Variants in NIPA1 observed in about 807,000 individuals in gnomAD.
NIPA1 encodes the protein magnesium transporter NIPA1.
NIPA1 carries 13 observed loss-of-function variants against 23.9 expected under a neutral mutation model. The ratio of observed to expected loss-of-function variants is 0.54; its 90% CI spans 0.35 to 0.87. The LOEUF (loss-of-function observed/expected upper bound fraction) is 0.87. Among genes scored for constraint, NIPA1 ranks in the 40% least tolerant of loss-of-function variants. NIPA1 has a pLI of 0.01. For missense variants in NIPA1, 362 were observed against 429.7 expected (o/e 0.84, Z 1.39); for synonymous variants, 234 against 202.9 (o/e 1.15, Z -1.30).
intron 1 of NIPA1, among the ~76,000 whole-genome samples, chr15:22,793,357 C>CA (rs1163603849): frequency 0.04 from 2,936 of 72,948 alleles, 298 homozygotes; most frequent in African/African-American, 0.13. Context: ...GACTGTGTCT[C>CA]AAAAAAAAAA....
chr15:22,791,035 A>G (rs1247021427), intron 1 of NIPA1, among the ~76,000 whole-genome samples: 2 of 152,142 alleles, frequency 1.3e-5, no homozygotes, highest in Non-Finnish European at 2.9e-5. Context: ...ATATGGTTAT[A>G]TTGCACAGTG....
intron 1 of NIPA1, among the ~76,000 whole-genome samples, chr15:22,788,616 C>T (rs955043890): frequency 1.3e-5 from 2 of 151,760 alleles, no homozygotes; most frequent in African/African-American, 4.8e-5. Context: ...AGATGTAAGA[C>T]ATTAGGGAAA....
chr15:22,811,530 G>A (rs1031430054), intron 2 of NIPA1, among the ~76,000 whole-genome samples: 2 of 152,134 alleles, frequency 1.3e-5, no homozygotes, highest in African/African-American at 4.8e-5. Context: ...CTTGAGCCTG[G>A]GAGGTGGAGG....
In NIPA1 at chr15:22,820,473, G is replaced by A; in HGVS notation, c.478G>A (p.Val160Met). ...AELEEKLTNP[V>M]FVGYLCIVLL... ...GCTGGAGGAAAAGCTGACCAATCCA[G>A]GTAATTCCTTTCTAGCAGCACTGCC... The change falls in exon 4 of 5, where the codon GTG (valine) becomes ATG (methionine). Residue 160 changes from valine (V) to methionine (M), a missense_variant and splice_region_variant. Val to Met is a conservative substitution (Grantham distance 21, BLOSUM62 1). This residue lies in a region of NIPA1 where 277 missense variants were observed against 372.0 expected (regional missense o/e 0.74). Coordinates refer to ENST00000337435, the MANE Select transcript of NIPA1 (RefSeq NM_144599.5). 6.2e-7 allele frequency: 1 copy of A among 1,612,926 alleles called. No individual in the cohort carries two copies. Among genetic ancestry groups the A allele is most frequent in the South Asian group, 1.1e-5 (1 of 91,056 alleles).
In NIPA1 at chr15:22,824,277, T is replaced by C; in HGVS notation, c.*38T>C. On this transcript the variant is annotated 3_prime_UTR_variant, in exon 5 of 5. Transcript: ENST00000337435. The surrounding 1 kb of genome is among the most constrained non-coding windows in gnomAD (Gnocchi z 4.1). The stretch of plus-strand genomic sequence containing the variant: ...GCTTGGATGGTTCGAGGAATAGGCA[T>C]TGGAGGTGGTTTCTGGCCGTGATTG... 1 of 1,567,448 alleles carries C rather than the reference T, an allele frequency of 6.4e-7. No homozygotes were observed.
At chr15:22,807,962 ATTTTT>A (rs955416345) in intron 1 of NIPA1, among the ~76,000 whole-genome samples, 2 of 150,798 alleles carry the variant, frequency 1.3e-5, no homozygotes, top group African/African-American at 2.4e-5. Context: ...TTTTTTTTGT[ATTTTT>A]TTTAGTAGAG....
intron 2 of NIPA1, among the ~76,000 whole-genome samples, chr15:22,811,510 G>A (rs1218024946): frequency 2.0e-5 from 3 of 152,118 alleles, no homozygotes; most frequent in African/African-American, 7.2e-5. Flanking sequence ...AGGCTGAGGT[G>A]GGAGGATTGC....
intron 3 of NIPA1, among the ~76,000 whole-genome samples, chr15:22,812,924 T>C (rs1042648930): frequency 3.3e-5 from 5 of 152,164 alleles, no homozygotes; most frequent in African/African-American, 1.2e-4. Context: ...GGTGTTTTAT[T>C]GGGGTGCTTA....
chr15:22,816,344 A>G lies in NIPA1; in HGVS notation c.318-3969A>G, dbSNP rs147145829. Among the ~76,000 whole-genome samples, 576 of 150,882 alleles carry G rather than the reference A, an allele frequency of 3.8e-3. 3 individuals are homozygous for G. Among genetic ancestry groups the G allele is most frequent in the African/African-American group, 0.013 (541 of 41,064 alleles). ...GCTGGGACTACAGGCGCGTACCACCATGCCCAGCTAATTTTTGTATTTTTA... is the reference window on the plus strand; with the variant it reads ...GCTGGGACTACAGGCGCGTACCACCGTGCCCAGCTAATTTTTGTATTTTTA... On this transcript the variant is annotated intron_variant, in intron 3 of 4. Transcript: ENST00000337435.
In NIPA1 at chr15:22,789,840, G is replaced by A. The variant is rs768861022; in HGVS notation, c.178+3006G>A. ...GATGGAGTCTAGCTCTGTCACCCAG[G>A]CTGGAGTGCAGTGGCGCGATCTTGG... On this transcript the variant is annotated intron_variant, in intron 1 of 4. Transcript: ENST00000337435. Among the ~76,000 whole-genome samples, 68 of 152,160 alleles carry A rather than the reference G, an allele frequency of 4.5e-4. 1 individual carries two copies. The highest frequency in any genetic ancestry group is 6.5e-4 in the Admixed American group (10 of 15,276).
Position 22,828,154 on chromosome 15 carries a change from T to C in NIPA1, c.*3915T>C, listed in dbSNP as rs1049191624. The C allele has an allele frequency of 2.0e-5, 3 of 152,610 alleles. No individual in the cohort carries two copies. Among genetic ancestry groups the C allele is most frequent in the African/African-American group, 7.2e-5 (3 of 41,440 alleles). The allele number at this position is 152,610 out of a possible 1,614,324, so 9.5% of individuals were successfully genotyped here. On this transcript the variant is annotated 3_prime_UTR_variant, in exon 5 of 5. Coordinates refer to ENST00000337435, the MANE Select transcript of NIPA1 (RefSeq NM_144599.5). ...GCGTTGTTCGTCCATCAGGCGGGAT[T>C]GGATGGAGTCTTGGTGTTTTGCCTT... is the stretch of plus-strand genomic sequence containing the variant.
At chr15:22,812,057 G>A (rs571858111) in intron 2 of NIPA1, 106 bp from the exon 3 acceptor site, 2 of 865,618 alleles carry the variant, frequency 2.3e-6, no homozygotes, top group South Asian at 2.8e-5. Context: ...CAAGTAATGT[G>A]AATGAAGTAG....
intron 3 of NIPA1, chr15:22,813,689 C>T (rs1222810061): frequency 4.4e-6 from 2 of 456,002 alleles, no homozygotes; most frequent in South Asian, 3.1e-5. Context: ...TTGAAGTTTA[C>T]ACCTTAGAGT....
At chr15:22,793,054 C>G (rs1374100782) in intron 1 of NIPA1, among the ~76,000 whole-genome samples, 1 of 151,652 alleles carries the variant, frequency 6.6e-6, no homozygotes, top group East Asian at 2.0e-4. Context: ...GAGTGAGACT[C>G]TGTCTCAAAA....
rs773921639 is a variant in NIPA1 at position 22,829,198 on chromosome 15, C to G, written c.*4959C>G. The G allele has an allele frequency of 6.6e-6, 1 of 152,162 alleles. No individual in the cohort carries two copies. Among genetic ancestry groups the G allele is most frequent in the Non-Finnish European group, 1.5e-5 (1 of 68,028 alleles). 9.4% of individuals were successfully genotyped at this position (152,162 alleles called of 1,614,324 possible). A position where few individuals can be genotyped will look rare whatever the true frequency, so the allele number is the denominator to read the frequency against. ...GATGGTGTGATGTGCTCCTGACATT[C>G]GGCCGAGGTCTGTATTCTGAAAAAG... On this transcript the variant is annotated 3_prime_UTR_variant, in exon 5 of 5. Transcript: ENST00000337435.
intron 1 of NIPA1, among the ~76,000 whole-genome samples, chr15:22,803,076 C>T (rs1895120321): frequency 6.6e-6 from 1 of 152,040 alleles, no homozygotes; most frequent in Admixed American, 6.6e-5. Flanking sequence ...CCTGCCTCAG[C>T]CTCTCCAGTA....
rs1555372300 is a variant in NIPA1 at position 22,797,510 on chromosome 15, C to CCT, written c.178+10676_178+10677insCT. Reference sequence around the variant, plus strand: ...TACAGGCGTGAGTCACCGCGCCTGGCTTTTTTTTTTTTTTGAGATGGAGTT... The same window carrying CCT: ...TACAGGCGTGAGTCACCGCGCCTGGCCTTTTTTTTTTTTTTTGAGATGGAGTT... On this transcript the variant is annotated intron_variant, in intron 1 of 4. Transcript: ENST00000337435. Among the ~76,000 whole-genome samples, 3 of 124,596 alleles carry CCT rather than the reference C, an allele frequency of 2.4e-5. No homozygotes were observed. In the Admixed American group the frequency reaches 2.6e-4, roughly 11 times the overall value. 81.7% of individuals were successfully genotyped at this position (124,596 alleles called of 152,430 possible). A position where few individuals can be genotyped will look rare whatever the true frequency, so the allele number is the denominator to read the frequency against.
Position 22,816,485 on chromosome 15 carries a change from C to CTTTTTTTTTT in NIPA1, c.318-3828_318-3827insTTTTTTTTTT. ...TACAGGTGTGAGCCACCGCACCCAG[C>CTTTTTTTTTT]CTTTTTTTTTTTTTTTTTTTTTTTC... is the stretch of plus-strand genomic sequence containing the variant. On this transcript the variant is annotated intron_variant, in intron 3 of 4. Transcript: ENST00000337435. Among the ~76,000 whole-genome samples, 2 of 52,678 alleles carry CTTTTTTTTTT rather than the reference C, an allele frequency of 3.8e-5. 1 individual carries two copies. Among genetic ancestry groups the CTTTTTTTTTT allele is most frequent in the Non-Finnish European group, 8.2e-5 (2 of 24,274 alleles). 34.6% of individuals were successfully genotyped at this position (52,678 alleles called of 152,430 possible).
intron 4 of NIPA1, among the ~76,000 whole-genome samples, chr15:22,822,089 GAC>G (rs1319968342): frequency 6.6e-6 from 1 of 152,118 alleles, no homozygotes; most frequent in Non-Finnish European, 1.5e-5. Context: ...TATTGACTGG[GAC>G]ACTTGAGGTC....
Sources: gnomAD v4.1 joint callset for allele counts (sites outside exome capture counted in the v4.1 genomes callset) on GRCh38, gnomAD v4.1.1 for gene constraint, gnomAD v4.1.1 regional missense constraint, Gnocchi (gnomAD v3.1) non-coding constraint, MANE v1.5 for transcripts, NCBI Gene and HGNC (gene_info 2026-07-23, HGNC 2026-07-21) for gene names.